The following BCL2L13 variants were observed in gnomAD, a reference collection of about 807,000 sequenced individuals.
BCL2L13 encodes BCL2 like 13, also known as bcl-2-like protein 13.
In BCL2L13, 13 loss-of-function variants were observed where a neutral mutation model predicts 25.8. The ratio of observed to expected loss-of-function variants is 0.50; its 90% CI spans 0.33 to 0.80. The LOEUF (loss-of-function observed/expected upper bound fraction) is 0.80, where lower values mean the gene tolerates loss of function less well. Ranked by LOEUF, BCL2L13 falls within the 30% of genes least tolerant of loss-of-function variation. BCL2L13 has a pLI of 0.02. For synonymous variants in BCL2L13, 244 were observed against 230.3 expected (o/e 1.06, Z -0.54); for missense variants, 504 against 574.9 (o/e 0.88, Z 1.26).
chr22:17,679,014 G>C (rs1181440898), intron 2 of BCL2L13, among the ~76,000 whole-genome samples: 1 of 152,098 alleles, frequency 6.6e-6, no homozygotes, highest in African/African-American at 2.4e-5. Flanking sequence ...CAAGTCTTTA[G>C]GGAAATGAAA....
chr22:17,647,034 CA>C (rs1336377595), intron 1 of BCL2L13, among the ~76,000 whole-genome samples: 4 of 138,252 alleles, frequency 2.9e-5, no homozygotes, highest in Non-Finnish European at 6.1e-5. Flanking sequence ...AATGCAGTGG[CA>C]CAATCTTGGC....
intron 4 of BCL2L13, among the ~76,000 whole-genome samples, chr22:17,693,368 GTTTGTTT>G (rs1568981723): frequency 1.8e-5 from 2 of 112,244 alleles, no homozygotes; most frequent in Non-Finnish European, 3.4e-5. Flanking sequence ...TTTATTTAGT[GTTTGTTT>G]TTTTTTTTTT....
chr22:17,631,617 GCT>G (rs1162922706), intron 1 of BCL2L13, among the ~76,000 whole-genome samples: 3 of 130,354 alleles, frequency 2.3e-5, no homozygotes, highest in Non-Finnish European at 4.7e-5. Context: ...TCCCACCTCA[GCT>G]CTTTGTCCTT....
In BCL2L13 at chr22:17,702,464, G is replaced by A. The variant is rs2060466900; in HGVS notation, c.600+78G>A. The A allele has an allele frequency of 6.6e-6, 9 of 1,356,222 alleles. No individual in the cohort carries two copies. In the East Asian group the frequency reaches 2.2e-4, roughly 34 times the overall value. 84.0% of individuals were successfully genotyped at this position (1,356,222 alleles called of 1,614,324 possible). Reference sequence around the variant, plus strand: ...TGTTTTTCTTAAGAGATGGGTTCTTGCTGTGTTACCCGGGCTGGAGTGCAG... The same window carrying A: ...TGTTTTTCTTAAGAGATGGGTTCTTACTGTGTTACCCGGGCTGGAGTGCAG... On this transcript the variant is annotated intron_variant, in intron 6 of 6. Coordinates refer to ENST00000317582, the MANE Select transcript of BCL2L13 (RefSeq NM_015367.4).
rs924951072 is a variant in BCL2L13, at chr22:17,696,263, G to A, written c.456+53G>A. ...AAAGATTTTAGTGTGTTAATGATAA[G>A]ACGTAGGAGGAATTGCTAGCATCAT... On this transcript the variant is annotated intron_variant, in intron 5 of 6. Coordinates refer to ENST00000317582, the MANE Select transcript of BCL2L13 (RefSeq NM_015367.4). The A allele has an allele frequency of 2.7e-5, 38 of 1,390,080 alleles. No homozygotes were observed. The Admixed American group carries it at 6.4e-4, about 23-fold the overall frequency. 86.1% of individuals were successfully genotyped at this position (1,390,080 alleles called of 1,614,324 possible).
intron 2 of BCL2L13, among the ~76,000 whole-genome samples, chr22:17,669,027 T>TTCC (rs1316697037): frequency 9.5e-5 from 10 of 105,450 alleles, no homozygotes; most frequent in African/African-American, 3.0e-4. Flanking sequence ...CTCCTGTTTC[T>TTCC]TTCTTTTTTT....
chr22:17,654,322 G>C (rs892893401), intron 1 of BCL2L13, among the ~76,000 whole-genome samples: 1 of 152,130 alleles, frequency 6.6e-6, no homozygotes, highest in African/African-American at 2.4e-5. Flanking sequence ...ATGTTGTCAG[G>C]CCGGTTTCAA....
chr22:17,720,904 C>T (rs763480507), intron 6 of BCL2L13, among the ~76,000 whole-genome samples: 59 of 151,944 alleles, frequency 3.9e-4, no homozygotes, highest in Middle Eastern at 6.8e-3. Flanking sequence ...CGGTGGCTCA[C>T]GCCTGTATTC....
chr22:17,689,521 CATT>C (rs1260453060), intron 4 of BCL2L13, among the ~76,000 whole-genome samples: 2 of 152,132 alleles, frequency 1.3e-5, no homozygotes, highest in Non-Finnish European at 2.9e-5. Flanking sequence ...GTGGGATTAA[CATT>C]ATATCTGTAT....
At chr22:17,656,332 A>ATTTTTTT (rs1568935138) in intron 2 of BCL2L13, among the ~76,000 whole-genome samples, 2 of 70,474 alleles carry the variant, frequency 2.8e-5, no homozygotes, top group African/African-American at 6.0e-5. Context: ...TTTTCATTTT[A>ATTTTTTT]TTCTTTTTTT....
intron 6 of BCL2L13, among the ~76,000 whole-genome samples, chr22:17,713,369 C>A (rs1165665768): frequency 1.3e-5 from 2 of 151,576 alleles, no homozygotes; most frequent in Non-Finnish European, 2.9e-5. Flanking sequence ...TGGTAAAGTA[C>A]AGTTCTTTAG....
At chr22:17,650,825 G>A (rs979041927) in intron 1 of BCL2L13, among the ~76,000 whole-genome samples, 1 of 150,426 alleles carries the variant, frequency 6.6e-6, no homozygotes, top group Non-Finnish European at 1.5e-5. Context: ...CTCCCATCTC[G>A]GCCTCCCAAG....
chr22:17,655,282 C>G (rs200973622), intron 1 of BCL2L13, among the ~76,000 whole-genome samples: 1 of 150,420 alleles, frequency 6.6e-6, no homozygotes, highest in East Asian at 2.0e-4. Flanking sequence ...ACCACCTGCC[C>G]TGAGGCTTTA....
chr22:17,689,860 A>C (rs35936097), intron 4 of BCL2L13, among the ~76,000 whole-genome samples: 2,135 of 134,336 alleles, frequency 0.016, 53 homozygotes, highest in African/African-American at 0.055. Flanking sequence ...AAAAAAAAAA[A>C]CCCAAAAAAC....
intron 2 of BCL2L13, among the ~76,000 whole-genome samples, chr22:17,678,996 A>G (rs76544340): frequency 0.015 from 2,281 of 152,244 alleles, 24 homozygotes; most frequent in Non-Finnish European, 0.026. Flanking sequence ...CCCACAAGTT[A>G]CTTATCTCAA....
intron 4 of BCL2L13, among the ~76,000 whole-genome samples, chr22:17,695,554 T>C (rs1296203237): frequency 6.6e-6 from 1 of 152,128 alleles, no homozygotes; most frequent in Non-Finnish European, 1.5e-5. Context: ...TCTCCTGACT[T>C]CGTGATCCAC....
chr22:17,663,879 C>T (rs898327905), intron 2 of BCL2L13, among the ~76,000 whole-genome samples: 11 of 149,774 alleles, frequency 7.3e-5, no homozygotes, highest in South Asian at 2.1e-4. Flanking sequence ...GATGGAGTCT[C>T]GCTCTGTTGC....
chr22:17,678,545 T>C (rs1284467397), intron 2 of BCL2L13, among the ~76,000 whole-genome samples: 1 of 152,180 alleles, frequency 6.6e-6, no homozygotes, highest in Non-Finnish European at 1.5e-5. Context: ...TTTATGGTAG[T>C]GGTAGAACCT....
At chr22:17,655,982 C>G in intron 2 of BCL2L13, 150 bp downstream of exon 2, 1 of 719,544 alleles carries the variant, frequency 1.4e-6, no homozygotes, top group East Asian at 3.1e-5. Flanking sequence ...GTGGCTCACA[C>G]CTGTTATGCC....
Sources: allele counts gnomAD v4.1 joint callset (sites outside exome capture counted in the v4.1 genomes callset), GRCh38; gene constraint gnomAD v4.1.1; transcripts MANE v1.5; gene names NCBI Gene and HGNC (gene_info 2026-07-23, HGNC 2026-07-21).